The following DIS3L2 variants were observed in gnomAD, a reference collection of about 807,000 sequenced individuals.
DIS3L2 encodes the protein DIS3-like exonuclease 2.
Under a neutral mutation model 97.5 loss-of-function variants are expected in DIS3L2, and 34 were observed. That is an observed-to-expected ratio of 0.35 (90% CI 0.27 to 0.46). The LOEUF (loss-of-function observed/expected upper bound fraction) is 0.46. Among genes scored for constraint, DIS3L2 ranks in the 20% least tolerant of loss-of-function variants. The pLI is 1.00. For synonymous variants in DIS3L2, 435 were observed against 445.2 expected, an observed-to-expected ratio of 0.98 and a Z score of 0.29; for missense variants, 1,038 against 1,146.0, an observed-to-expected ratio of 0.91 and a Z score of 1.36.
intron 12 of DIS3L2, among the ~76,000 whole-genome samples, chr2:232,258,350 C>T (rs1257159780): frequency 2.6e-5 from 4 of 152,014 alleles, no homozygotes; most frequent in African/African-American, 9.7e-5. Context: ...TTTGGGAGGC[C>T]AAAGCGGGCG....
chr2:232,165,311 A>G (rs1004964446), intron 9 of DIS3L2, among the ~76,000 whole-genome samples: 1 of 152,230 alleles, frequency 6.6e-6, no homozygotes, highest in Non-Finnish European at 1.5e-5. Flanking sequence ...ATATGAGCCT[A>G]TATTTTGTAA....
At chr2:232,240,237 A>G (rs1422461900) in intron 11 of DIS3L2, among the ~76,000 whole-genome samples, 1 of 152,238 alleles carries the variant, frequency 6.6e-6, no homozygotes, top group East Asian at 1.9e-4. Context: ...ATATTTGAGC[A>G]AAACCCTAGC....
At chr2:232,338,795 T>G (rs1287340269), downstream of DIS3L2, among the ~76,000 whole-genome samples, 1 of 152,276 alleles carries the variant, frequency 6.6e-6, no homozygotes, top group African/African-American at 2.4e-5. Context: ...CAGCCTCTTA[T>G]GTGGCCCCTC....
At chr2:232,000,306 G>GTATACAATA (rs1297483601) in intron 1 of DIS3L2, among the ~76,000 whole-genome samples, 2 of 152,116 alleles carry the variant, frequency 1.3e-5, no homozygotes, top group African/African-American at 4.8e-5. Flanking sequence ...AGAGATGACT[G>GTATACAATA]TATACAATAT....
chr2:232,343,149 C>A (rs890043985), intron 13 of DIS3L2: 1 of 606,728 alleles, frequency 1.6e-6, no homozygotes, highest in Non-Finnish European at 3.0e-6. Flanking sequence ...CAACCTGGCT[C>A]ATCATCAAAG....
rs563949785 is a variant in DIS3L2 at position 231,965,521 on chromosome 2, G to A, written c.-94+3756G>A. ...TTGGGCATCCACCAAAGATACATTT[G>A]TGAAGATGATCAAACTTTTAAGTCC... On this transcript the variant is annotated intron_variant, in intron 1 of 20. Transcript: ENST00000325385. Among the ~76,000 whole-genome samples the A allele has an allele frequency of 5.3e-5, 8 of 150,764 alleles. 1 individual carries two copies. In the South Asian group the frequency reaches 1.7e-3, roughly 32 times the overall value.
intron 9 of DIS3L2, among the ~76,000 whole-genome samples, chr2:232,204,171 GAAT>G (rs1314974032): frequency 5.3e-5 from 8 of 152,256 alleles, no homozygotes; most frequent in Middle Eastern, 3.4e-3. Context: ...CCAGTGAGGT[GAAT>G]AATGACAAAG....
At chr2:231,965,031 A>G (rs2106210983) in intron 1 of DIS3L2, among the ~76,000 whole-genome samples, 1 of 152,344 alleles carries the variant, frequency 6.6e-6, no homozygotes, top group African/African-American at 2.4e-5. Context: ...CTTTCAGGTC[A>G]CTTGATTTGT....
intron 5 of DIS3L2, among the ~76,000 whole-genome samples, chr2:232,044,286 G>A (rs1695181623): frequency 6.6e-6 from 1 of 152,172 alleles, no homozygotes; most frequent in African/African-American, 2.4e-5. Flanking sequence ...GGCAAAATTG[G>A]TGGGAGACTG....
chr2:232,111,408 G>C (rs1697529058), intron 6 of DIS3L2, among the ~76,000 whole-genome samples: 1 of 151,972 alleles, frequency 6.6e-6, no homozygotes, highest in Non-Finnish European at 1.5e-5. Context: ...TTTTCGTCTG[G>C]ATATCTGCTT....
chr2:232,028,241 C>G (rs1191035164), intron 4 of DIS3L2, among the ~76,000 whole-genome samples: 1 of 151,402 alleles, frequency 6.6e-6, no homozygotes, highest in Non-Finnish European at 1.5e-5. Flanking sequence ...TCTTTTTTTT[C>G]TATTATCTAT....
chr2:231,967,311 C>G (rs956142440), intron 1 of DIS3L2, among the ~76,000 whole-genome samples: 1 of 152,064 alleles, frequency 6.6e-6, no homozygotes, highest in African/African-American at 2.4e-5. Context: ...TGGTCCTCCT[C>G]TAATGAAATT....
At chr2:232,294,542 C>G (rs144070208) in intron 13 of DIS3L2, among the ~76,000 whole-genome samples, 185 of 152,300 alleles carry the variant, frequency 1.2e-3, no homozygotes, top group Middle Eastern at 6.8e-3. Flanking sequence ...TATCCCTACC[C>G]AGACCCTTGG....
intron 6 of DIS3L2, among the ~76,000 whole-genome samples, chr2:232,091,818 C>T (rs1166915864): frequency 1.3e-5 from 2 of 152,088 alleles, no homozygotes; most frequent in East Asian, 3.8e-4. Flanking sequence ...TTTGTTATTG[C>T]CTATCTTTTA....
intron 9 of DIS3L2, among the ~76,000 whole-genome samples, chr2:232,175,003 A>AT (rs1357879030): frequency 1.3e-5 from 2 of 151,822 alleles, no homozygotes; most frequent in African/African-American, 2.4e-5. Context: ...TAATTTTTGT[A>AT]TTTTTTGTGG....
chr2:232,039,372 T>C (rs1326576261), intron 5 of DIS3L2, among the ~76,000 whole-genome samples: 2 of 152,222 alleles, frequency 1.3e-5, no homozygotes, highest in Non-Finnish European at 2.9e-5. Flanking sequence ...AAGGAATCTG[T>C]AGTCACTAGC....
At chr2:232,176,754 ATT>A (rs67065513) in intron 9 of DIS3L2, among the ~76,000 whole-genome samples, 4 of 148,072 alleles carry the variant, frequency 2.7e-5, no homozygotes, top group South Asian at 2.1e-4. Flanking sequence ...ATGCCCGGCT[ATT>A]TTTTTTTAAT....
chr2:231,981,473 A>G (rs1225896629), intron 1 of DIS3L2, among the ~76,000 whole-genome samples: 1 of 150,442 alleles, frequency 6.6e-6, no homozygotes, highest in African/African-American at 2.4e-5. Context: ...TCTCTTTTCC[A>G]ATATTTATTC....
intron 5 of DIS3L2, among the ~76,000 whole-genome samples, chr2:232,078,005 C>CTTTCTTTT (rs1559602398): frequency 2.7e-4 from 32 of 119,068 alleles, no homozygotes; most frequent in African/African-American, 4.9e-4. Context: ...TTCTTTCTTT[C>CTTTCTTTT]TTTCTTTCTT....
Sources: allele counts gnomAD v4.1 joint callset (sites outside exome capture counted in the v4.1 genomes callset), GRCh38; gene constraint gnomAD v4.1.1; transcripts MANE v1.5; gene names NCBI Gene and HGNC (gene_info 2026-07-23, HGNC 2026-07-21).